Variants in RRM1 observed in about 807,000 individuals in gnomAD.
The protein encoded by RRM1 is ribonucleoside-diphosphate reductase large subunit.
RRM1 carries 19 observed loss-of-function variants against 101.5 expected under a neutral mutation model. The observed-to-expected ratio is 0.19, with a 90% CI of 0.13 to 0.27. RRM1 has a LOEUF of 0.27. RRM1 is among the 10% of genes least tolerant of loss of function. The pLI, the probability that RRM1 is intolerant of heterozygous loss-of-function variation, is 1.00. For missense variants in RRM1, 500 were observed against 962.9 expected (o/e 0.52, Z 6.36); for synonymous variants, 298 against 323.4 (o/e 0.92, Z 0.84).
At chr11:4,106,609 G>C (rs369583883) in intron 3 of RRM1, among the ~76,000 whole-genome samples, 1 of 152,078 alleles carries the variant, frequency 6.6e-6, no homozygotes, top group Admixed American at 6.5e-5. Flanking sequence ...TTAGCTGGGC[G>C]TGGTGGTGGG....
In RRM1 at chr11:4,127,254, G is replaced by A; in HGVS notation, c.1690G>A (p.Gly564Arg). Residue 564 changes from glycine (G) to arginine (R), a missense_variant and splice_region_variant, in exon 14 of 19, where the codon GGA (glycine) becomes AGA (arginine). By Grantham distance (125) the Gly-to-Arg change is moderately radical. Transcript: ENST00000300738. ...CTATGAGGGCTCTCCAGTTAGCAAA[G>A]GAGTAAGTATATGGATGGAATTGTT... ...ETYEGSPVSKGILQYDMWNVT... is the reference protein window; with the variant it reads ...ETYEGSPVSKRILQYDMWNVT... 3 of 1,576,454 alleles carry A rather than the reference G, an allele frequency of 1.9e-6. No homozygotes were observed. The highest frequency in any genetic ancestry group is 2.6e-6 in the Non-Finnish European group (3 of 1,165,876).
chr11:4,108,635 A>G (rs992073954), intron 4 of RRM1, among the ~76,000 whole-genome samples: 1 of 148,288 alleles, frequency 6.7e-6, no homozygotes, highest in Non-Finnish European at 1.5e-5. Flanking sequence ...TTAATTGACT[A>G]TCTCTCTAAA....
chr11:4,131,376 A>C (rs1167431508), intron 15 of RRM1, among the ~76,000 whole-genome samples: 1 of 152,192 alleles, frequency 6.6e-6, no homozygotes, highest in African/African-American at 2.4e-5. Context: ...ACACAGCCAA[A>C]CTATATCCAG....
intron 17 of RRM1, among the ~76,000 whole-genome samples, chr11:4,134,197 C>T (rs2094605372): frequency 6.6e-6 from 1 of 151,906 alleles, no homozygotes; most frequent in African/African-American, 2.4e-5. Flanking sequence ...TGGCCAGGCT[C>T]CTGACCTCAG....
At chr11:4,115,710 C>T (rs907228749) in intron 7 of RRM1, among the ~76,000 whole-genome samples, 1 of 152,190 alleles carries the variant, frequency 6.6e-6, no homozygotes, top group South Asian at 2.1e-4. Flanking sequence ...GCACGCGCCA[C>T]CACACCCAGC....
intron 2 of RRM1, among the ~76,000 whole-genome samples, chr11:4,102,664 A>AC (rs1216809820): frequency 6.6e-6 from 1 of 152,140 alleles, no homozygotes; most frequent in East Asian, 1.9e-4. Flanking sequence ...AAAAAAAAAA[A>AC]AAAGGGAAGC....
chr11:4,105,578 C>CTTTTTTTTTTTT, intron 2 of RRM1: 8 of 281,534 alleles, frequency 2.8e-5, no homozygotes, highest in East Asian at 1.4e-4. Flanking sequence ...TTTTTCTTTC[C>CTTTTTTTTTTTT]TTTTTTTTTT....
At chr11:4,117,016 A>G (rs2094574630) in intron 7 of RRM1, among the ~76,000 whole-genome samples, 1 of 152,114 alleles carries the variant, frequency 6.6e-6, no homozygotes, top group South Asian at 2.1e-4. Flanking sequence ...AAATAGAAAC[A>G]TGGGCAAGGG....
chr11:4,113,797 G>A (rs994180484), intron 7 of RRM1, among the ~76,000 whole-genome samples: 13 of 152,136 alleles, frequency 8.5e-5, no homozygotes, highest in African/African-American at 2.4e-4. Context: ...AAGTATTTGT[G>A]TATCCAAACA....
chr11:4,132,504 C>T lies in RRM1; in HGVS notation c.1905+83C>T. The T allele has an allele frequency of 1.4e-6, 2 of 1,469,740 alleles. No individual in the cohort carries two copies. Among genetic ancestry groups the T allele is most frequent in the Non-Finnish European group, 1.9e-6 (2 of 1,072,354 alleles). 91.0% of individuals were successfully genotyped at this position (1,469,740 alleles called of 1,614,324 possible). A position where few individuals can be genotyped will look rare whatever the true frequency, so the allele number is the denominator to read the frequency against. On this transcript the variant is annotated intron_variant, in intron 16 of 18. Transcript: ENST00000300738. The surrounding 1 kb of genome is among the most constrained non-coding windows in gnomAD (Gnocchi z 4.1). ...TAAATGCTCACTCATGTTTAATTTG[C>T]CCATTTTCTTAGTTTGGGTGCAAAC...
At chr11:4,097,278 CAAAAAAAAA>C (rs1221330899) in intron 1 of RRM1, among the ~76,000 whole-genome samples, 2 of 68,860 alleles carry the variant, frequency 2.9e-5, no homozygotes, top group African/African-American at 1.1e-4. Context: ...CACTCTGTCT[CAAAAAAAAA>C]AAAAAAAAAA....
rs575103858 is a variant in RRM1, at chr11:4,132,591, A to G, written c.1905+170A>G. 7.9e-5 allele frequency among the ~76,000 whole-genome samples: 12 copies of G among 152,228 alleles called. No individual in the cohort carries two copies. Among genetic ancestry groups the G allele is most frequent in the Non-Finnish European group, 1.8e-4 (12 of 68,040 alleles). On this transcript the variant is annotated intron_variant, in intron 16 of 18. Transcript: ENST00000300738. This position sits in a 1 kb window ranked among gnomAD's most constrained non-coding sequence, Gnocchi z 4.1. Reference sequence around the variant, plus strand: ...TATTTGTTATTAATATTTCAGCACAATAGGCATTTAATAAATAATCTGTTG... The same window carrying G: ...TATTTGTTATTAATATTTCAGCACAGTAGGCATTTAATAAATAATCTGTTG...
chr11:4,107,964 T>C (rs2094560522), intron 4 of RRM1, among the ~76,000 whole-genome samples: 1 of 152,238 alleles, frequency 6.6e-6, no homozygotes, highest in Non-Finnish European at 1.5e-5. Context: ...TTGTTTTTCA[T>C]CTTTTCACTG....
intron 4 of RRM1, among the ~76,000 whole-genome samples, chr11:4,109,438 A>ACC (rs1308179695): frequency 6.6e-6 from 1 of 151,914 alleles, no homozygotes; most frequent in African/African-American, 2.4e-5. Context: ...ATGTTTTTAA[A>ACC]CCTAATTAGG....
chr11:4,111,328 A>G (rs753598291), intron 5 of RRM1, among the ~76,000 whole-genome samples: 5 of 151,566 alleles, frequency 3.3e-5, no homozygotes, highest in Admixed American at 6.6e-5. Context: ...GGAGAATGGC[A>G]TGAACCCGGG....
intron 14 of RRM1, among the ~76,000 whole-genome samples, chr11:4,127,884 A>G (rs1312639890): frequency 1.3e-5 from 2 of 152,218 alleles, no homozygotes; most frequent in African/African-American, 4.8e-5. Flanking sequence ...TCCACAGGTC[A>G]GGAGTCCAGA....
intron 1 of RRM1, among the ~76,000 whole-genome samples, chr11:4,097,459 CTT>C (rs539114206): frequency 7.0e-6 from 1 of 142,926 alleles, no homozygotes; most frequent in African/African-American, 2.6e-5. Context: ...TTGTTTGTTT[CTT>C]TTTTTTTTTA....
At chr11:4,124,683 C>T (rs1197856038) in intron 12 of RRM1, among the ~76,000 whole-genome samples, 1 of 152,032 alleles carries the variant, frequency 6.6e-6, no homozygotes, top group Non-Finnish European at 1.5e-5. Flanking sequence ...CTTGCTAACC[C>T]ATGCAGAATT....
At position 4,099,029 on chromosome 11, in the gene RRM1, A is replaced by G. The variant is rs571937668; in HGVS notation, c.20-2964A>G. On this transcript the variant is annotated intron_variant, in intron 1 of 18. Transcript: ENST00000300738. ...AATTAGAAAGTTTGTATCCTGTGGAAAAGGCACGCATCCTTGGTCTTACAG... is the reference window on the plus strand; with the variant it reads ...AATTAGAAAGTTTGTATCCTGTGGAGAAGGCACGCATCCTTGGTCTTACAG... 4.6e-5 allele frequency among the ~76,000 whole-genome samples: 7 copies of G among 152,348 alleles called. No homozygotes were observed. The South Asian group carries it at 1.2e-3, about 27-fold the overall frequency.
Sources: allele counts gnomAD v4.1 joint callset (sites outside exome capture counted in the v4.1 genomes callset), GRCh38; gene constraint gnomAD v4.1.1; non-coding constraint Gnocchi (gnomAD v3.1); transcripts MANE v1.5; gene names NCBI Gene and HGNC (gene_info 2026-07-23, HGNC 2026-07-21).